Variants in MCC observed in about 807,000 individuals in gnomAD.
The protein encoded by MCC is colorectal mutant cancer protein.
In MCC, 90 loss-of-function variants were observed where a neutral mutation model predicts 116.2. The ratio of observed to expected loss-of-function variants is 0.77; its 90% CI spans 0.65 to 0.92. MCC has a LOEUF of 0.92. Among genes scored for constraint, MCC ranks in the 40% least tolerant of loss-of-function variants. The pLI, the probability that MCC is intolerant of heterozygous loss-of-function variation, is 0.00. For missense variants in MCC, 1,516 were observed against 1,312.2 expected, an observed-to-expected ratio of 1.16 and a Z score of -2.40; for synonymous variants, 578 against 510.5, an observed-to-expected ratio of 1.13 and a Z score of -1.78.
intron 3 of MCC, among the ~76,000 whole-genome samples, chr5:113,196,956 C>A (rs903334348): frequency 6.6e-6 from 1 of 152,166 alleles, no homozygotes; most frequent in Non-Finnish European, 1.5e-5. Context: ...ATTAAGGGTG[C>A]CATCCTACAT....
chr5:113,082,126 C>T (rs1754903446), intron 11 of MCC, among the ~76,000 whole-genome samples: 1 of 152,216 alleles, frequency 6.6e-6, no homozygotes, highest in African/African-American at 2.4e-5. Flanking sequence ...ACTGGCATGA[C>T]ACATAAGAGA....
At chr5:113,279,540 G>A (rs188931530) in intron 3 of MCC, among the ~76,000 whole-genome samples, 7 of 152,180 alleles carry the variant, frequency 4.6e-5, no homozygotes, top group East Asian at 1.9e-4. Context: ...AATGAATATC[G>A]GAGCTTAACT....
intron 3 of MCC, among the ~76,000 whole-genome samples, chr5:113,285,567 G>C (rs1474966023): frequency 6.6e-6 from 1 of 151,982 alleles, no homozygotes; most frequent in African/African-American, 2.4e-5. Context: ...TAGCAAGAGT[G>C]CCCTGGGCTC....
intron 17 of MCC, among the ~76,000 whole-genome samples, chr5:113,031,817 C>T (rs1279284759): frequency 6.6e-6 from 1 of 152,078 alleles, no homozygotes; most frequent in Non-Finnish European, 1.5e-5. Context: ...TGGCAGGCTC[C>T]AAAGGAGGAT....
At chr5:113,439,710 C>T (rs1770975370) in intron 1 of MCC, among the ~76,000 whole-genome samples, 1 of 152,156 alleles carries the variant, frequency 6.6e-6, no homozygotes, top group South Asian at 2.1e-4. Flanking sequence ...CTTTGAGCCT[C>T]AGTATGTACA....
At chr5:113,155,320 A>G (rs1760112363) in intron 3 of MCC, among the ~76,000 whole-genome samples, 1 of 152,176 alleles carries the variant, frequency 6.6e-6, no homozygotes, top group Non-Finnish European at 1.5e-5. Flanking sequence ...TATCTTGGCT[A>G]TTGTAAACAG....
intron 3 of MCC, among the ~76,000 whole-genome samples, chr5:113,285,441 G>C (rs1367801796): frequency 6.7e-6 from 1 of 148,372 alleles, no homozygotes; most frequent in African/African-American, 2.5e-5. Flanking sequence ...TACTCTTCCA[G>C]GGCTTATGAA....
At chr5:113,028,736 T>C (rs1317098162) in intron 18 of MCC, among the ~76,000 whole-genome samples, 198 bp downstream of exon 18, 2 of 152,198 alleles carry the variant, frequency 1.3e-5, no homozygotes, top group South Asian at 4.1e-4. Context: ...TTTCTTAGTT[T>C]CCACAGACCA....
intron 3 of MCC, chr5:113,203,165 C>G (rs1399217658): frequency 6.6e-6 from 1 of 152,232 alleles, no homozygotes; most frequent in Non-Finnish European, 1.5e-5. Flanking sequence ...CGGGAAACTA[C>G]CCAGGGGCCT....
At chr5:113,048,962 C>T (rs554682486) in intron 16 of MCC, 131 bp downstream of exon 16, 185 of 811,396 alleles carry the variant, frequency 2.3e-4, no homozygotes, top group African/African-American at 1.9e-3. Flanking sequence ...TAGATACCTA[C>T]GAATGGCCTG....
Position 113,054,251 on chromosome 5 carries a change from A to C in MCC, c.2214-292T>G, listed in dbSNP as rs138787030. Among the ~76,000 whole-genome samples the C allele has an allele frequency of 6.6e-5, 10 of 152,374 alleles. No homozygotes were observed. In the East Asian group the frequency reaches 1.9e-3, roughly 29 times the overall value. ...AAAAGATACACATACAAAGGAACATAATCTAAAATACAGTTTAGTGATTTA... is the reference window on the plus strand; with the variant it reads ...AAAAGATACACATACAAAGGAACATCATCTAAAATACAGTTTAGTGATTTA... On this transcript the variant is annotated intron_variant, in intron 14 of 18. Transcript: ENST00000408903.
chr5:113,049,026 G>A, intron 16 of MCC, 67 bp downstream of exon 16: 1 of 1,465,928 alleles, frequency 6.8e-7, no homozygotes, highest in Non-Finnish European at 9.5e-7. Flanking sequence ...GGTGTGGCCA[G>A]TGGTCACTGG....
At chr5:113,297,584 A>G (rs1033021984) in intron 3 of MCC, among the ~76,000 whole-genome samples, 2 of 151,322 alleles carry the variant, frequency 1.3e-5, no homozygotes, top group Non-Finnish European at 2.9e-5. Context: ...TAATAATAAT[A>G]CTAAACTTAG....
At chr5:113,078,318 A>G (rs1219578025) in intron 11 of MCC, among the ~76,000 whole-genome samples, 3 of 152,264 alleles carry the variant, frequency 2.0e-5, no homozygotes, top group Admixed American at 1.3e-4. Flanking sequence ...GGCCAGCATC[A>G]TCCTGATACC....
At chr5:113,249,841 ATCACCCTC>A (rs1337289750) in intron 3 of MCC, among the ~76,000 whole-genome samples, 1 of 152,156 alleles carries the variant, frequency 6.6e-6, no homozygotes, top group African/African-American at 2.4e-5. Flanking sequence ...TTACTCTGGT[ATCACCCTC>A]TACCCCCACG....
intron 9 of MCC, 75 bp from the exon 10 acceptor site, chr5:113,084,265 C>A: frequency 8.7e-7 from 1 of 1,150,912 alleles, no homozygotes; most frequent in Non-Finnish European, 1.3e-6. Flanking sequence ...TACGCTTATA[C>A]AGGGCTACTT....
intron 3 of MCC, among the ~76,000 whole-genome samples, chr5:113,265,169 C>T (rs1464210996): frequency 6.6e-6 from 1 of 152,166 alleles, no homozygotes. Flanking sequence ...AAAATATTTA[C>T]TAAGTAGCCC....
rs374799646 is a variant in MCC, at chr5:113,143,291, G to A, written c.811C>T (p.Arg271Cys). ...QERTTLRYEE[R>C]ITELHSVIAE... ...ATGACGCTGTGGAGCTCTGTGATGC[G>A]TTCCTCATAGCGAAGTGTCGTTCGC... Residue 271 changes from arginine (R) to cysteine (C), a missense_variant, in exon 5 of 19, where the codon CGC (arginine) becomes TGC (cysteine). By Grantham distance (180) the Arg-to-Cys change is radical (BLOSUM62 -3). Coordinates refer to ENST00000408903, the MANE Select transcript of MCC (RefSeq NM_001085377.2). The A allele has an allele frequency of 5.8e-5, 93 of 1,613,578 alleles. No individual in the cohort carries two copies. Among genetic ancestry groups the A allele is most frequent in the South Asian group, 8.8e-5 (8 of 91,028 alleles).
intron 3 of MCC, among the ~76,000 whole-genome samples, chr5:113,184,794 A>T (rs1761815096): frequency 6.6e-6 from 1 of 152,232 alleles, no homozygotes; most frequent in African/African-American, 2.4e-5. Context: ...TGATGGAGGT[A>T]TGTTAGAAGG....
Sources: gnomAD v4.1 joint callset for allele counts (sites outside exome capture counted in the v4.1 genomes callset) on GRCh38, gnomAD v4.1.1 for gene constraint, MANE v1.5 for transcripts, NCBI Gene and HGNC (gene_info 2026-07-23, HGNC 2026-07-21) for gene names.